Variants in MYH7B observed in about 807,000 individuals in gnomAD.
The protein encoded by MYH7B is myosin-7B.
Under a neutral mutation model 234.5 loss-of-function variants are expected in MYH7B, and 205 were observed. The observed-to-expected ratio is 0.87, with a 90% CI of 0.78 to 0.98. MYH7B has a LOEUF of 0.98. Ranked by LOEUF, MYH7B falls within the 50% of genes least tolerant of loss-of-function variation. MYH7B has a pLI of 0.00. For synonymous variants in MYH7B, 1,193 were observed against 1,105.0 expected (o/e 1.08, Z -1.58); for missense variants, 2,652 against 2,633.4 (o/e 1.01, Z -0.15).
At chr20:34,979,937 G>A in intron 7 of MYH7B, 133 bp downstream of exon 7, 1 of 1,033,138 alleles carries the variant, frequency 9.7e-7, no homozygotes, top group Non-Finnish European at 1.4e-6. Context: ...GAATGATAGA[G>A]CGGGTCCATA....
intron 3 of MYH7B, among the ~76,000 whole-genome samples, chr20:34,977,060 CCCTCT>C (rs1342882500): frequency 2.2e-5 from 2 of 90,218 alleles, no homozygotes; most frequent in East Asian, 2.6e-4. Flanking sequence ...TACCCCTCCC[CCCTCT>C]CTCTCTCCCT....
intron 10 of MYH7B, among the ~76,000 whole-genome samples, chr20:34,983,881 C>T (rs1344137464): frequency 1.3e-5 from 2 of 152,206 alleles, no homozygotes; most frequent in South Asian, 4.1e-4. Context: ...CTTCCCTTCT[C>T]TCCCTTTCTT....
At position 34,985,052 on chromosome 20, in the gene MYH7B, C is replaced by T. The variant is rs547256082; in HGVS notation, c.742-14C>T. 9.0e-5 allele frequency: 145 copies of T among 1,614,068 alleles called. No individual in the cohort carries two copies. In the East Asian group the frequency reaches 3.1e-3, roughly 35 times the overall value. On this transcript the variant is annotated splice_polypyrimidine_tract_variant and intron_variant, in intron 12 of 44. Coordinates refer to ENST00000262873, the Ensembl canonical transcript of MYH7B. ...GCTGTGCCCCTTGGCTGAGGGCTGC[C>T]CCTCTGCCCACAGGGCAAGTTCATC... is the stretch of plus-strand genomic sequence containing the variant.
intron 26 of MYH7B, 23 bp from the exon 27 acceptor site, chr20:34,994,123 A>G: frequency 6.2e-7 from 1 of 1,605,926 alleles, no homozygotes; most frequent in South Asian, 1.1e-5. Flanking sequence ...AGCCACCTTC[A>G]CAGCTTGGCT....
chr20:34,999,425 A>C lies in MYH7B; in HGVS notation c.4540+20A>C, dbSNP rs377319782. The C allele has an allele frequency of 2.8e-3, 4,191 of 1,510,602 alleles. 13 individuals are homozygous for C. Among genetic ancestry groups the C allele is most frequent in the Non-Finnish European group, 3.1e-3 (3,543 of 1,130,408 alleles). The allele number at this position is 1,510,602 out of a possible 1,614,324, so 93.6% of individuals were successfully genotyped here. The stretch of plus-strand genomic sequence containing the variant: ...TGCAGGGTAGGACCTGCCACACGCC[A>C]GGGCCAGGGTGCTGCCCTGGGGTCG... On this transcript the variant is annotated intron_variant, in intron 36 of 44. Coordinates refer to ENST00000262873, the Ensembl canonical transcript of MYH7B.
At chr20:35,000,604 C>T (rs1303432570) in exon 39 of MYH7B, 1 of 1,571,108 alleles carries the variant, frequency 6.4e-7, no homozygotes, top group Non-Finnish European at 8.6e-7. Flanking sequence ...CTGCGGGCTG[C>T]CCTGGAGCAG....
At chr20:34,979,871 G>T in intron 7 of MYH7B, 67 bp downstream of exon 7, 1 of 1,548,716 alleles carries the variant, frequency 6.5e-7, no homozygotes, top group Admixed American at 1.8e-5. Context: ...GAGATGAGGT[G>T]CTGGGGGCGG....
intron 5 of MYH7B, 110 bp from the exon 6 acceptor site, chr20:34,979,280 G>A: frequency 1.3e-6 from 1 of 786,746 alleles, no homozygotes; most frequent in Non-Finnish European, 2.0e-6. Context: ...CCTGGCAGAG[G>A]GGCTTTGGGG....
intron 3 of MYH7B, among the ~76,000 whole-genome samples, chr20:34,976,183 A>G (rs2081852450): frequency 6.6e-6 from 1 of 152,198 alleles, no homozygotes; most frequent in South Asian, 2.1e-4. Context: ...GCCTCCAGCC[A>G]TTACCCTCCC....
exon 14 of MYH7B, chr20:34,986,128 C>T (rs890264396): frequency 6.3e-7 from 1 of 1,593,818 alleles, no homozygotes; most frequent in Non-Finnish European, 8.6e-7. Context: ...GGGTGATCTT[C>T]CAGTTGCCTG....
chr20:34,980,245 C>G, intron 7 of MYH7B: 1 of 336,076 alleles, frequency 3.0e-6, no homozygotes, highest in Non-Finnish European at 5.6e-6. Context: ...TTGCGTATCC[C>G]TCCCAAAACC....
At chr20:34,987,201 A>G in exon 16 of MYH7B, 2 of 1,612,924 alleles carry the variant, frequency 1.2e-6, no homozygotes, top group Non-Finnish European at 1.7e-6. Flanking sequence ...GCCTGCTATA[A>G]GATCGTGGGC....
Position 34,998,398 on chromosome 20 carries a change from G to T in MYH7B, c.3851G>T (p.Arg1284Leu), listed in dbSNP as rs749058691. The change falls in exon 33 of 45, where the codon CGT becomes CTT. Residue 1284 changes from arginine to leucine, a missense_variant. Physicochemically the swap from Arg to Leu is moderately radical, Grantham distance 102. This residue lies in a region of MYH7B where 2,279 missense variants were observed against 2,211.4 expected (regional missense o/e 1.03). Transcript: ENST00000262873. ...CAGCTGGCGGACGCAAGCACGCAGC[G>T]TGGGCGACTACAGACGGAAAGCGGT... is the stretch of plus-strand genomic sequence containing the variant. 3.1e-6 allele frequency: 5 copies of T among 1,613,304 alleles called. No individual in the cohort carries two copies. The South Asian group carries it at 3.3e-5, about 11-fold the overall frequency.
intron 7 of MYH7B, chr20:34,980,309 G>A (rs2081922763): frequency 7.5e-6 from 3 of 398,396 alleles, no homozygotes; most frequent in Admixed American, 3.8e-5. Context: ...AGCACTTTGG[G>A]AGGGCAAGGC....
chr20:34,979,910 C>A, intron 7 of MYH7B, 106 bp downstream of exon 7: 1 of 1,132,362 alleles, frequency 8.8e-7, no homozygotes, highest in Non-Finnish European at 1.2e-6. Flanking sequence ...GGGCTGTGAG[C>A]GGTGGATCGG....
chr20:34,999,175 T>G (rs1325890292), exon 36 of MYH7B: 1 of 1,613,576 alleles, frequency 6.2e-7, no homozygotes, highest in African/African-American at 1.3e-5. Context: ...GATGTAACCC[T>G]GGAGCTGGAG....
chr20:34,981,076 T>TG lies in MYH7B; in HGVS notation c.527+21dup. On this transcript the variant is annotated intron_variant, in intron 9 of 44. Coordinates refer to ENST00000262873, the Ensembl canonical transcript of MYH7B. Reference sequence around the variant, plus strand: ...TGCTGATCACGTGAGTGTGGGGCTCTGGGGGTGGGGTGGAAAATGCTGGCC... The same window carrying TG: ...TGCTGATCACGTGAGTGTGGGGCTCTGGGGGGTGGGGTGGAAAATGCTGGCC... The TG allele has an allele frequency of 6.2e-7, 1 of 1,613,368 alleles. No homozygotes were observed. Among genetic ancestry groups the TG allele is most frequent in the Non-Finnish European group, 8.5e-7 (1 of 1,179,744 alleles).
At chr20:34,978,268 G>A (rs1202816989) in intron 5 of MYH7B, among the ~76,000 whole-genome samples, 172 bp downstream of exon 5, 2 of 152,114 alleles carry the variant, frequency 1.3e-5, no homozygotes, top group East Asian at 1.9e-4. Flanking sequence ...AAACCCCAGG[G>A]ACACTGTATA....
At position 34,999,008 on chromosome 20, in the gene MYH7B, G is replaced by C. The variant is rs752229208; in HGVS notation, c.4191-48G>C. 6.3e-6 allele frequency: 10 copies of C among 1,583,326 alleles called. No homozygotes were observed. In the Admixed American group the frequency reaches 1.4e-4, roughly 22 times the overall value. On this transcript the variant is annotated intron_variant, in intron 35 of 44. Coordinates refer to ENST00000262873, the Ensembl canonical transcript of MYH7B. Reference sequence around the variant, plus strand: ...GTGGGTGAAGGGAGCTGCTGGGGCTGTTCTCCCTCCTTCCATGGTCCACAC... The same window carrying C: ...GTGGGTGAAGGGAGCTGCTGGGGCTCTTCTCCCTCCTTCCATGGTCCACAC...
Sources: allele counts gnomAD v4.1 joint callset (sites outside exome capture counted in the v4.1 genomes callset), GRCh38; gene constraint gnomAD v4.1.1; regional missense constraint gnomAD v4.1.1; transcripts MANE v1.5; gene names NCBI Gene and HGNC (gene_info 2026-07-23, HGNC 2026-07-21).